Variants in PTPRG observed in about 807,000 individuals in gnomAD.
The protein encoded by PTPRG is receptor-type tyrosine-protein phosphatase gamma.
Under a neutral mutation model 165.3 loss-of-function variants are expected in PTPRG, and 102 were observed. That is an observed-to-expected ratio of 0.62 (90% CI 0.53 to 0.73). The LOEUF (loss-of-function observed/expected upper bound fraction) is 0.73. Among genes scored for constraint, PTPRG ranks in the 30% least tolerant of loss-of-function variants. The pLI is 0.00. For missense variants in PTPRG, 1,866 were observed against 1,861.4 expected (o/e 1.00, Z -0.05); for synonymous variants, 675 against 669.5 (o/e 1.01, Z -0.13).
intron 5 of PTPRG, among the ~76,000 whole-genome samples, chr3:62,084,050 T>A (rs768165698): frequency 6.6e-6 from 1 of 152,188 alleles, no homozygotes; most frequent in African/African-American, 2.4e-5. Context: ...GAATCATAAA[T>A]GCATGATTCT....
intron 1 of PTPRG, among the ~76,000 whole-genome samples, chr3:61,595,095 G>C (rs532208885): frequency 6.9e-6 from 1 of 144,336 alleles, no homozygotes; most frequent in Non-Finnish European, 1.5e-5. Flanking sequence ...ACGTTCTTTG[G>C]TTTCTGTCTG....
At chr3:62,118,984 A>G (rs1702963038) in intron 5 of PTPRG, among the ~76,000 whole-genome samples, 1 of 152,208 alleles carries the variant, frequency 6.6e-6, no homozygotes, top group South Asian at 2.1e-4. Context: ...CTTTTCTTCT[A>G]GGAAGCAAAC....
intron 1 of PTPRG, among the ~76,000 whole-genome samples, chr3:61,720,493 G>A (rs1575609240): frequency 6.6e-6 from 1 of 152,058 alleles, no homozygotes; most frequent in Non-Finnish European, 1.5e-5. Context: ...ATAGTGAACC[G>A]CTCAATGAAT....
At chr3:61,592,310 GT>G (rs1410195523) in intron 1 of PTPRG, among the ~76,000 whole-genome samples, 1 of 152,104 alleles carries the variant, frequency 6.6e-6, no homozygotes, top group African/African-American at 2.4e-5. Flanking sequence ...TCAGTTCCTA[GT>G]TTTGTGCGGA....
In PTPRG at chr3:61,994,304, TTTTA is replaced by T. The variant is rs544720444; in HGVS notation, c.370+4504_370+4507del. ...TATGAATTTTAACTATTGGGAGGGT[TTTTA>T]TTTTATTTTTATTTTATTTTTTTAA... On this transcript the variant is annotated intron_variant, in intron 3 of 29. Transcript: ENST00000474889. Among the ~76,000 whole-genome samples the T allele has an allele frequency of 3.6e-3, 555 of 152,344 alleles. 1 individual carries two copies. The highest frequency in any genetic ancestry group is 5.1e-3 in the Non-Finnish European group (344 of 68,032).
intron 2 of PTPRG, among the ~76,000 whole-genome samples, chr3:61,844,371 A>T (rs1327486052): frequency 3.3e-5 from 5 of 152,246 alleles, no homozygotes; most frequent in Non-Finnish European, 7.3e-5. Flanking sequence ...TTTGAATTTT[A>T]TCTGAATTTG....
rs181546923 is a variant in PTPRG, at chr3:62,190,382, C to T, written c.1034-1087C>T. 5.9e-5 allele frequency among the ~76,000 whole-genome samples: 9 copies of T among 152,284 alleles called. No homozygotes were observed. The highest frequency in any genetic ancestry group is 5.9e-4 in the Admixed American group (9 of 15,298). ...ATCAGCTCCATGAAGGCAGGCAGCA[C>T]GGCCACACGGGTCTGGACACCCCTG... is the stretch of plus-strand genomic sequence containing the variant. On this transcript the variant is annotated intron_variant, in intron 8 of 29. Transcript: ENST00000474889. This position sits in a 1 kb window ranked among gnomAD's most constrained non-coding sequence, Gnocchi z 5.2.
chr3:61,869,626 G>A (rs186784645), intron 2 of PTPRG, among the ~76,000 whole-genome samples: 1,797 of 150,532 alleles, frequency 0.012, 29 homozygotes, highest in Admixed American at 0.04. Context: ...TCACCCAGGC[G>A]GGAGTGCAGT....
At chr3:61,621,392 T>C (rs532550229) in intron 1 of PTPRG, among the ~76,000 whole-genome samples, 1 of 152,280 alleles carries the variant, frequency 6.6e-6, no homozygotes, top group South Asian at 2.1e-4. Context: ...ATAGATGGGA[T>C]TGGATTAATA....
chr3:61,882,997 C>G (rs1038381878), intron 2 of PTPRG, among the ~76,000 whole-genome samples: 2 of 152,126 alleles, frequency 1.3e-5, no homozygotes, highest in African/African-American at 2.4e-5. Flanking sequence ...AGACAGAGCT[C>G]ACTTTGCAAC....
intron 4 of PTPRG, among the ~76,000 whole-genome samples, chr3:62,066,919 T>A (rs2106711930): frequency 6.6e-6 from 1 of 151,206 alleles, no homozygotes; most frequent in Middle Eastern, 3.4e-3. Flanking sequence ...GTGCCTGTAA[T>A]CCCAGCTACT....
chr3:61,728,190 T>C (rs2032339570), intron 1 of PTPRG, among the ~76,000 whole-genome samples: 1 of 152,232 alleles, frequency 6.6e-6, no homozygotes. Context: ...TGTCTTGGAC[T>C]TGGAGTTAGG....
At chr3:61,614,418 C>CTTTTTTTTT (rs550755163) in intron 1 of PTPRG, among the ~76,000 whole-genome samples, 7 of 117,680 alleles carry the variant, frequency 5.9e-5, no homozygotes, top group Non-Finnish European at 6.6e-5. Context: ...TTAATAATAC[C>CTTTTTTTTT]TTTTTTTTTT....
intron 1 of PTPRG, among the ~76,000 whole-genome samples, chr3:61,685,822 C>T (rs930970167): frequency 6.6e-6 from 1 of 152,188 alleles, no homozygotes; most frequent in Non-Finnish European, 1.5e-5. Context: ...TCCTGTTAGT[C>T]TCTGCCCCTA....
intron 5 of PTPRG, among the ~76,000 whole-genome samples, chr3:62,107,529 A>T (rs1425111548): frequency 6.6e-6 from 1 of 152,258 alleles, no homozygotes; most frequent in Non-Finnish European, 1.5e-5. Context: ...ATACCAGTGT[A>T]TAAAATGGGT....
chr3:62,109,833 C>T (rs1174123785), intron 5 of PTPRG, among the ~76,000 whole-genome samples: 1 of 152,184 alleles, frequency 6.6e-6, no homozygotes. Context: ...TAAATTTTTC[C>T]ACAACCCAGT....
At chr3:61,844,124 C>G (rs1415012843) in intron 2 of PTPRG, among the ~76,000 whole-genome samples, 3 of 151,912 alleles carry the variant, frequency 2.0e-5, no homozygotes, top group Non-Finnish European at 4.4e-5. Context: ...CCCCCAGGCC[C>G]GGCTATATTT....
chr3:62,040,578 C>A (rs1416434276), intron 4 of PTPRG, among the ~76,000 whole-genome samples: 1 of 152,168 alleles, frequency 6.6e-6, no homozygotes, highest in Admixed American at 6.5e-5. Context: ...CTCAGCCTCC[C>A]ACGTAGCTGG....
At chr3:62,258,019 G>A (rs750639038) in intron 16 of PTPRG, among the ~76,000 whole-genome samples, 1 of 152,032 alleles carries the variant, frequency 6.6e-6, no homozygotes, top group African/African-American at 2.4e-5. Context: ...AGGTCAGAAG[G>A]AGAAATAAGG....
Sources: allele counts gnomAD v4.1 joint callset (sites outside exome capture counted in the v4.1 genomes callset), GRCh38; gene constraint gnomAD v4.1.1; non-coding constraint Gnocchi (gnomAD v3.1); transcripts MANE v1.5; gene names NCBI Gene and HGNC (gene_info 2026-07-23, HGNC 2026-07-21).